Variants in ACAN observed in about 807,000 individuals in gnomAD.
ACAN encodes the protein aggrecan core protein.
In ACAN, 47 loss-of-function variants were observed where a neutral mutation model predicts 169.1. The observed-to-expected ratio is 0.28, with a 90% CI of 0.22 to 0.35. The LOEUF is 0.35. Among genes scored for constraint, ACAN ranks in the 10% least tolerant of loss-of-function variants. The pLI, the probability that ACAN is intolerant of heterozygous loss-of-function variation, is 1.00. For synonymous variants in ACAN, 1,115 were observed against 1,112.2 expected (o/e 1.00, Z -0.05); for missense variants, 2,716 against 2,759.9 (o/e 0.98, Z 0.36).
Position 88,857,222 on chromosome 15 carries a change from G to A in ACAN, c.4637G>A (p.Ser1546Asn), listed in dbSNP as rs957892302. Residue 1546 changes from serine (S) to asparagine (N), a missense_variant, in exon 12 of 19, where the codon AGT becomes AAT. This residue lies in a region of ACAN where 1,389 missense variants were observed against 1,363.7 expected (regional missense o/e 1.02). Coordinates refer to ENST00000560601, the MANE Select transcript of ACAN (RefSeq NM_001369268.1). Reference sequence around the variant, plus strand: ...TCTGCCTCTGGATTTGGGGACCTCAGTGGACTTCCTTCTGGAGGAGAAGGT... The same window carrying A: ...TCTGCCTCTGGATTTGGGGACCTCAATGGACTTCCTTCTGGAGGAGAAGGT... Reference protein sequence around the residue: ...EISASGFGDLSGLPSGGEGLE... With the variant: ...EISASGFGDLNGLPSGGEGLE... 3 of 1,613,834 alleles carry A rather than the reference G, an allele frequency of 1.9e-6. No homozygotes were observed. The highest frequency in any genetic ancestry group is 2.5e-6 in the Non-Finnish European group (3 of 1,179,856).
chr15:88,845,597 C>T lies in ACAN; in HGVS notation c.1144C>T (p.Leu382=). Residue 382 remains leucine, a synonymous_variant, in exon 7 of 19, where the codon CTG becomes TTG. Coordinates refer to ENST00000560601, the MANE Select transcript of ACAN (RefSeq NM_001369268.1). ...GACAGTGACCTGGCCTGACATGGAG[C>T]TGCCACTGCCTCGAAACATCACTGA... is the stretch of plus-strand genomic sequence containing the variant. ...VQTVTWPDME[L]PLPRNITEGE... is the part of the protein sequence containing the mutation. 1 of 1,614,052 alleles carries T rather than the reference C, an allele frequency of 6.2e-7. No individual in the cohort carries two copies. Among genetic ancestry groups the T allele is most frequent in the Non-Finnish European group, 8.5e-7 (1 of 1,179,910 alleles).
chr15:88,810,352 G>T (rs1018085038), intron 1 of ACAN, among the ~76,000 whole-genome samples: 13 of 151,338 alleles, frequency 8.6e-5, no homozygotes, highest in African/African-American at 2.7e-4. Flanking sequence ...GGCTAATTTT[G>T]GGGGGAAAAA....
intron 1 of ACAN, among the ~76,000 whole-genome samples, chr15:88,804,314 C>T (rs1018194658): frequency 6.6e-6 from 1 of 152,166 alleles, no homozygotes; most frequent in East Asian, 1.9e-4. Context: ...GACACTATGT[C>T]AGGGACACAG....
chr15:88,820,217 C>T (rs1411754604), intron 1 of ACAN, among the ~76,000 whole-genome samples: 1 of 152,124 alleles, frequency 6.6e-6, no homozygotes, highest in Non-Finnish European at 1.5e-5. Flanking sequence ...ATGAATAAAA[C>T]CCAGTGCATG....
In ACAN at chr15:88,871,333, C is replaced by T; in HGVS notation, c.7061-49C>T. On this transcript the variant is annotated intron_variant, in intron 14 of 18. Coordinates refer to ENST00000560601, the MANE Select transcript of ACAN (RefSeq NM_001369268.1). This position sits in a 1 kb window ranked among gnomAD's most constrained non-coding sequence, Gnocchi z 7.8. ...CCATAAGACTGGCAGCATCTGCCAT[C>T]CCCTGGTGGCCTCTGCCCCTCCCTT... The T allele has an allele frequency of 6.2e-7, 1 of 1,611,376 alleles. No homozygotes were observed. The highest frequency in any genetic ancestry group is 8.5e-7 in the Non-Finnish European group (1 of 1,179,086).
intron 9 of ACAN, among the ~76,000 whole-genome samples, chr15:88,848,654 A>C (rs1896854866): frequency 2.0e-5 from 3 of 152,198 alleles, no homozygotes; most frequent in Non-Finnish European, 4.4e-5. Context: ...ATTTTGTTTT[A>C]TTTCATTTCT....
intron 1 of ACAN, among the ~76,000 whole-genome samples, chr15:88,811,510 G>T (rs1309899654): frequency 6.6e-6 from 1 of 152,178 alleles, no homozygotes; most frequent in Non-Finnish European, 1.5e-5. Flanking sequence ...CCCTCTAAAG[G>T]CTGGCCATGC....
chr15:88,863,013 A>AG (rs1897226790), intron 13 of ACAN, among the ~76,000 whole-genome samples: 1 of 151,416 alleles, frequency 6.6e-6, no homozygotes. Context: ...AAAAAAAAAA[A>AG]AAAAGAAACA....
intron 4 of ACAN, 151 bp from the exon 5 acceptor site, chr15:88,841,589 A>T: frequency 9.9e-7 from 1 of 1,006,242 alleles, no homozygotes. Context: ...TCACTGTAAA[A>T]ACAGATAGGC....
At chr15:88,824,746 G>T (rs1268910429) in intron 1 of ACAN, among the ~76,000 whole-genome samples, 1 of 152,082 alleles carries the variant, frequency 6.6e-6, no homozygotes, top group African/African-American at 2.4e-5. Flanking sequence ...AGACATGGTG[G>T]CACACACCTG....
intron 1 of ACAN, among the ~76,000 whole-genome samples, chr15:88,835,393 A>T (rs74028472): frequency 9.9e-5 from 15 of 152,240 alleles, no homozygotes; most frequent in African/African-American, 3.4e-4. Flanking sequence ...ACATACGCAC[A>T]CAGACACACA....
Position 88,874,979 on chromosome 15 carries a change from A to G in ACAN, c.*498A>G. 1 of 275,904 alleles carries G rather than the reference A, an allele frequency of 3.6e-6. No individual in the cohort carries two copies. The highest frequency in any genetic ancestry group is 7.0e-6 in the Non-Finnish European group (1 of 142,546). 17.1% of individuals were successfully genotyped at this position (275,904 alleles called of 1,614,324 possible). ...GAACCGCAGCTGAATGTATTGGATG[A>G]GAAGGAGCCAGGAGGGCTACACCAT... On this transcript the variant is annotated 3_prime_UTR_variant, in exon 19 of 19. Transcript: ENST00000560601. The surrounding 1 kb of genome is among the most constrained non-coding windows in gnomAD (Gnocchi z 7.3).
At chr15:88,810,118 C>G (rs1178235843) in intron 1 of ACAN, among the ~76,000 whole-genome samples, 6 of 152,088 alleles carry the variant, frequency 3.9e-5, no homozygotes, top group African/African-American at 1.4e-4. Flanking sequence ...GCGGAGGACA[C>G]TTGGATGGGG....
At chr15:88,821,196 G>C (rs1896066762) in intron 1 of ACAN, among the ~76,000 whole-genome samples, 2 of 152,178 alleles carry the variant, frequency 1.3e-5, no homozygotes, top group South Asian at 4.1e-4. Flanking sequence ...AACTATATCA[G>C]TGGCACAACC....
rs1897473967 is a variant in ACAN at position 88,874,841 on chromosome 15, ATCC to A, written c.*361_*363del. 2.7e-6 allele frequency: 1 copy of A among 364,276 alleles called. No individual in the cohort carries two copies. Among genetic ancestry groups the A allele is most frequent in the African/African-American group, 2.1e-5 (1 of 47,052 alleles). The allele number at this position is 364,276 out of a possible 1,614,324, so 22.6% of individuals were successfully genotyped here. A position where few individuals can be genotyped will look rare whatever the true frequency, so the allele number is the denominator to read the frequency against. Reference sequence around the variant, plus strand: ...AAGATTATTTTTGTTTCCTGACTTTATCCAAGAGCAGTGCAATCGTTGGTTATT... The same window carrying A: ...AAGATTATTTTTGTTTCCTGACTTTAAAGAGCAGTGCAATCGTTGGTTATT... On this transcript the variant is annotated 3_prime_UTR_variant, in exon 19 of 19. Transcript: ENST00000560601. This position sits in a 1 kb window ranked among gnomAD's most constrained non-coding sequence, Gnocchi z 7.3.
Position 88,870,166 on chromosome 15 carries a change from C to T in ACAN, c.7061-1216C>T, listed in dbSNP as rs533809463. ...TTCTTTCTTCTCAAGCTGCTGACCC[C>T]CTGTTCTGCTCTCCCTCCACTGTCC... On this transcript the variant is annotated intron_variant, in intron 14 of 18. Transcript: ENST00000560601. The surrounding 1 kb of genome is among the most constrained non-coding windows in gnomAD (Gnocchi z 6.3). Among the ~76,000 whole-genome samples, 38 of 152,318 alleles carry T rather than the reference C, an allele frequency of 2.5e-4. No homozygotes were observed. Among genetic ancestry groups the T allele is most frequent in the African/African-American group, 8.2e-4 (34 of 41,566 alleles).
At chr15:88,815,519 A>G (rs1425004539) in intron 1 of ACAN, among the ~76,000 whole-genome samples, 1 of 150,490 alleles carries the variant, frequency 6.6e-6, no homozygotes, top group Non-Finnish European at 1.5e-5. Context: ...AGATCATGCC[A>G]CTGCACTCCA....
chr15:88,830,753 T>C (rs1437398850), intron 1 of ACAN, among the ~76,000 whole-genome samples: 4 of 152,202 alleles, frequency 2.6e-5, no homozygotes, highest in Admixed American at 1.3e-4. Context: ...GACTGAGTGG[T>C]GAGTGAATGC....
rs1003229589 is a variant in ACAN at position 88,814,171 on chromosome 15, C to G, written c.-8+10362C>G. Among the ~76,000 whole-genome samples, 1 of 152,194 alleles carries G rather than the reference C, an allele frequency of 6.6e-6. No homozygotes were observed. The highest frequency in any genetic ancestry group is 2.1e-4 in the South Asian group (1 of 4,828). ...AGAGTTGATTAGTCTTGCTGTGCCT[C>G]GTTTTCCTCATCTGTGAATTGGGTA... On this transcript the variant is annotated intron_variant, in intron 1 of 18. Coordinates refer to ENST00000560601, the MANE Select transcript of ACAN (RefSeq NM_001369268.1). The surrounding 1 kb of genome is among the most constrained non-coding windows in gnomAD (Gnocchi z 4.0).
Sources: allele counts gnomAD v4.1 joint callset (sites outside exome capture counted in the v4.1 genomes callset), GRCh38; gene constraint gnomAD v4.1.1; regional missense constraint gnomAD v4.1.1; non-coding constraint Gnocchi (gnomAD v3.1); transcripts MANE v1.5; gene names NCBI Gene and HGNC (gene_info 2026-07-23, HGNC 2026-07-21).